GALNT12: variants seen among roughly 807,000 people sequenced by gnomAD.
The protein encoded by GALNT12 is UDP-GalNAc:polypeptide N-acetylgalactosaminyltransferase 12.
Under a neutral mutation model 55.5 loss-of-function variants are expected in GALNT12, and 45 were observed. The ratio of observed to expected loss-of-function variants is 0.81; its 90% CI spans 0.64 to 1.04. GALNT12 has a LOEUF of 1.04. Among genes scored for constraint, GALNT12 ranks in the 50% least tolerant of loss-of-function variants. The probability of loss-of-function intolerance (pLI) is 0.00; values close to 1 mark genes in which losing one functional copy is unlikely to be tolerated. For missense variants in GALNT12, 709 were observed against 754.8 expected (o/e 0.94, Z 0.71); for synonymous variants, 304 against 312.2 (o/e 0.97, Z 0.28).
chr9:98,836,703 C>T (rs1009289282), intron 5 of GALNT12, among the ~76,000 whole-genome samples: 4 of 152,136 alleles, frequency 2.6e-5, no homozygotes, highest in African/African-American at 9.7e-5. Context: ...TCTGTGGATG[C>T]TCCTGTGAGT....
At position 98,844,122 on chromosome 9, in the gene GALNT12, C is replaced by T; in HGVS notation, c.1371C>T (p.Tyr457=). ...GMLQNKGLTD[Y]CFDYNPPDEN... ...TCCAGAACAAAGGACTAACAGACTA[C>T]TGCTTTGACTATAACCCTCCCGATG... is the stretch of plus-strand genomic sequence containing the variant. Residue 457 remains tyrosine (Y), a synonymous_variant, in exon 8 of 10, where the codon TAC becomes TAT. Coordinates refer to ENST00000375011, the MANE Select transcript of GALNT12 (RefSeq NM_024642.5). The T allele has an allele frequency of 6.2e-7, 1 of 1,613,544 alleles. No homozygotes were observed. The highest frequency in any genetic ancestry group is 1.7e-5 in the Admixed American group (1 of 60,016).
chr9:98,810,278 C>A (rs559545283), intron 1 of GALNT12, among the ~76,000 whole-genome samples: 1 of 152,034 alleles, frequency 6.6e-6, no homozygotes, highest in Non-Finnish European at 1.5e-5. Context: ...AGGGAGGGCC[C>A]TGAGGGAGGA....
intron 6 of GALNT12, among the ~76,000 whole-genome samples, chr9:98,838,701 C>A (rs1005836778): frequency 2.0e-5 from 3 of 152,214 alleles, no homozygotes; most frequent in Non-Finnish European, 4.4e-5. Flanking sequence ...GCCTGCTTGC[C>A]CTGCATTTGC....
intron 9 of GALNT12, chr9:98,847,202 C>A (rs1836441368): frequency 6.6e-6 from 1 of 152,188 alleles, no homozygotes; most frequent in African/African-American, 2.4e-5. Flanking sequence ...TGTTTTTTAT[C>A]TCCCTGGGCA....
chr9:98,827,364 C>G (rs992919878), intron 3 of GALNT12, among the ~76,000 whole-genome samples: 1 of 151,908 alleles, frequency 6.6e-6, no homozygotes, highest in African/African-American at 2.4e-5. Context: ...CCACACCTGG[C>G]TAATTTTATA....
Position 98,837,067 on chromosome 9 carries a change from G to A in GALNT12, c.1131G>A (p.Leu377=), listed in dbSNP as rs148125332. The A allele has an allele frequency of 2.5e-4, 400 of 1,614,072 alleles. 3 individuals carry two copies. The highest frequency in any genetic ancestry group is 1.4e-3 in the South Asian group (124 of 91,080). The change falls in exon 6 of 10, where the codon CTG becomes CTA. Residue 377 remains leucine, a synonymous_variant. Transcript: ENST00000375011. ...KQAPYSRNKA[L]ANSVRAAEVW... ...CTCCCTACTCCCGCAACAAGGCTCT[G>A]GCCAACAGTGTTCGTGCAGCTGAAG...
Position 98,846,059 on chromosome 9 carries a change from A to T in GALNT12, c.1541A>T (p.Asp514Val), listed in dbSNP as rs1836406676. 3 of 1,614,178 alleles carry T rather than the reference A, an allele frequency of 1.9e-6. No individual in the cohort carries two copies. Among genetic ancestry groups the T allele is most frequent in the Non-Finnish European group, 2.5e-6 (3 of 1,180,002 alleles). ...EGCIAVEAGM[D>V]TLIMHLCEET... ...TGCATTGCTGTGGAAGCAGGAATGG[A>T]TACCCTTATCATGCATCTCTGCGAA... Residue 514 changes from aspartate (D) to valine (V), a missense_variant, in exon 9 of 10, where the codon GAT (aspartate) becomes GTT (valine). Transcript: ENST00000375011.
At position 98,835,822 on chromosome 9, in the gene GALNT12, G is replaced by A. The variant is rs546102976; in HGVS notation, c.1035+456G>A. The stretch of plus-strand genomic sequence containing the variant: ...ACGATCTCAGCTCACTGCAACCTCC[G>A]CCTCCTGTGTTGAAGTGATTCTTCT... On this transcript the variant is annotated intron_variant, in intron 5 of 9. Coordinates refer to ENST00000375011, the MANE Select transcript of GALNT12 (RefSeq NM_024642.5). 8.1e-4 allele frequency among the ~76,000 whole-genome samples: 123 copies of A among 151,718 alleles called. 1 individual carries two copies. The highest frequency in any genetic ancestry group is 2.3e-3 in the African/African-American group (96 of 41,322).
chr9:98,836,163 A>G (rs989945142), intron 5 of GALNT12, among the ~76,000 whole-genome samples: 4 of 152,102 alleles, frequency 2.6e-5, no homozygotes, highest in South Asian at 4.1e-4. Context: ...AAGCCTTCCT[A>G]CTGATGCTAC....
chr9:98,810,356 C>A (rs539626880), intron 1 of GALNT12, among the ~76,000 whole-genome samples: 1 of 152,240 alleles, frequency 6.6e-6, no homozygotes, highest in South Asian at 2.1e-4. Flanking sequence ...GGCAGAGCCA[C>A]AGTCCATATC....
At chr9:98,809,239 T>A (rs1835442284) in intron 1 of GALNT12, among the ~76,000 whole-genome samples, 1 of 152,224 alleles carries the variant, frequency 6.6e-6, no homozygotes, top group Admixed American at 6.5e-5. Context: ...CCCCACTGTT[T>A]CCACTGTCTT....
chr9:98,833,352 C>T (rs1836048192), intron 4 of GALNT12, among the ~76,000 whole-genome samples: 1 of 152,078 alleles, frequency 6.6e-6, no homozygotes, highest in Non-Finnish European at 1.5e-5. Context: ...TTAAGATGAC[C>T]CGCTGCTGGC....
At position 98,807,676 on chromosome 9, in the gene GALNT12, C is replaced by A; in HGVS notation, c.-23C>A. On this transcript the variant is annotated 5_prime_UTR_variant, in exon 1 of 10. Coordinates refer to ENST00000375011, the MANE Select transcript of GALNT12 (RefSeq NM_024642.5). ...CACCGCCGCCTTGGGGCGCGCAGAT[C>A]GCTGGCTGCAGTTGGCGGGCGCATG... 9.0e-7 allele frequency: 1 copy of A among 1,113,224 alleles called. No homozygotes were observed. The allele number at this position is 1,113,224 out of a possible 1,614,324, so 69.0% of individuals were successfully genotyped here.
At chr9:98,845,876 C>A in intron 8 of GALNT12, 101 bp from the exon 9 acceptor site, 1 of 1,264,796 alleles carries the variant, frequency 7.9e-7, no homozygotes, top group Non-Finnish European at 1.1e-6. Context: ...GGTGCATGAC[C>A]CCACCCATGC....
In GALNT12 at chr9:98,835,318, T is replaced by C; in HGVS notation, c.987T>C (p.Asp329=). Residue 329 remains aspartate (D), a synonymous_variant, in exon 5 of 10, where the codon GAT becomes GAC. Coordinates refer to ENST00000375011, the MANE Select transcript of GALNT12 (RefSeq NM_024642.5). The part of the protein sequence containing the change: ...KKYFEYLGSY[D]TGMEVWGGEN... ...ATTTTGAATATCTGGGGTCTTATGA[T>C]ACAGGAATGGAAGTTTGGGGAGGAG... 6.2e-7 allele frequency: 1 copy of C among 1,614,028 alleles called. No individual in the cohort carries two copies. The highest frequency in any genetic ancestry group is 8.5e-7 in the Non-Finnish European group (1 of 1,179,856).
intron 1 of GALNT12, 43 bp from the exon 2 acceptor site, chr9:98,823,213 C>A (rs375173430): frequency 6.3e-7 from 1 of 1,595,742 alleles, no homozygotes; most frequent in Non-Finnish European, 8.6e-7. Context: ...CAGTGCCAGC[C>A]TGGGCTAGAT....
Position 98,846,105 on chromosome 9 carries a change from G to C in GALNT12, c.1587G>C (p.Gln529His), listed in dbSNP as rs763159492. 21 of 1,614,200 alleles carry C rather than the reference G, an allele frequency of 1.3e-5. No homozygotes were observed. Among genetic ancestry groups the C allele is most frequent in the Non-Finnish European group, 1.7e-5 (20 of 1,180,032 alleles). The change falls in exon 9 of 10, where the codon CAG (glutamine) becomes CAC (histidine). Residue 529 changes from glutamine to histidine, a missense_variant. Gln to His is a conservative substitution (Grantham distance 24). This residue lies in a region of GALNT12 where 262 missense variants were observed against 310.7 expected (regional missense o/e 0.84). Coordinates refer to ENST00000375011, the MANE Select transcript of GALNT12 (RefSeq NM_024642.5). ...GCGAAGAAACTGCCCCAGAGAATCA[G>C]AAGTTCATCTTGCAGGAGGTAGGTG... ...HLCEETAPEN[Q>H]KFILQEDGSL...
At chr9:98,839,272 A>G (rs1836228963) in intron 6 of GALNT12, among the ~76,000 whole-genome samples, 2 of 152,204 alleles carry the variant, frequency 1.3e-5, no homozygotes, top group Non-Finnish European at 2.9e-5. Context: ...AGAAATCTGA[A>G]ATCTTATTCA....
chr9:98,830,128 C>G (rs2118402007), intron 3 of GALNT12, among the ~76,000 whole-genome samples: 1 of 152,330 alleles, frequency 6.6e-6, no homozygotes, highest in Non-Finnish European at 1.5e-5. Context: ...GCTTTTTAAA[C>G]ACACCAATGC....
Sources: allele counts gnomAD v4.1 joint callset (sites outside exome capture counted in the v4.1 genomes callset), GRCh38; gene constraint gnomAD v4.1.1; regional missense constraint gnomAD v4.1.1; transcripts MANE v1.5; gene names NCBI Gene and HGNC (gene_info 2026-07-23, HGNC 2026-07-21).